TULP4: variants seen among roughly 807,000 people sequenced by gnomAD.
The protein encoded by TULP4 is TUB like protein 4, also known as tubby-related protein 4.
Under a neutral mutation model 129.0 loss-of-function variants are expected in TULP4, and 16 were observed. The observed-to-expected ratio is 0.12, with a 90% CI of 0.08 to 0.19. TULP4 has a LOEUF of 0.19. Ranked by LOEUF, TULP4 falls within the 10% of genes least tolerant of loss-of-function variation. The probability of loss-of-function intolerance (pLI) is 1.00; values close to 1 mark genes in which losing one functional copy is unlikely to be tolerated. For missense variants in TULP4, 1,842 were observed against 2,059.1 expected (o/e 0.89, Z 2.04); for synonymous variants, 998 against 854.0 (o/e 1.17, Z -2.94).
chr6:158,238,107 GAC>G (rs1777756124), intron 1 of TULP4: 1 of 729,288 alleles, frequency 1.4e-6, no homozygotes, highest in Non-Finnish European at 2.6e-6. Flanking sequence ...CACTAATGCA[GAC>G]ACCATGCCTG....
chr6:158,430,514 G>A (rs1412480578), intron 3 of TULP4, among the ~76,000 whole-genome samples: 2 of 152,222 alleles, frequency 1.3e-5, no homozygotes, highest in East Asian at 1.9e-4. Context: ...AGGTGGAGGC[G>A]GGTGGATCAC....
chr6:158,239,355 A>G (rs1356048706), intron 1 of TULP4, among the ~76,000 whole-genome samples: 11 of 42,726 alleles, frequency 2.6e-4, no homozygotes, highest in South Asian at 1.1e-3. Flanking sequence ...CTGGCCGGGC[A>G]GGGGGGCTGA....
chr6:158,468,055 C>T (rs542064823), intron 6 of TULP4, among the ~76,000 whole-genome samples: 1 of 152,348 alleles, frequency 6.6e-6, no homozygotes, highest in African/African-American at 2.4e-5. Flanking sequence ...CTCTGCTTTG[C>T]CAGTCCAGCT....
chr6:158,294,374 TA>T (rs1026333697), intron 1 of TULP4, among the ~76,000 whole-genome samples: 27 of 140,298 alleles, frequency 1.9e-4, no homozygotes, highest in Admixed American at 5.0e-4. Flanking sequence ...AAAAAAAAAA[TA>T]AAAAAAAAAA....
intron 1 of TULP4, among the ~76,000 whole-genome samples, chr6:158,250,881 C>T (rs544306086): frequency 6.6e-6 from 1 of 152,262 alleles, no homozygotes; most frequent in South Asian, 2.1e-4. Context: ...TGAGTGATAC[C>T]AGTGATCTAT....
intron 9 of TULP4, among the ~76,000 whole-genome samples, chr6:158,491,077 T>C (rs1332188850): frequency 6.6e-6 from 1 of 152,166 alleles, no homozygotes; most frequent in African/African-American, 2.4e-5. Context: ...AGATACATGT[T>C]AAAGTTTATT....
chr6:158,268,035 C>T (rs200132846), intron 1 of TULP4, among the ~76,000 whole-genome samples: 180 of 72,636 alleles, frequency 2.5e-3, no homozygotes, highest in Non-Finnish European at 3.8e-3. Flanking sequence ...TTTCTTTTTT[C>T]TTTTTTTTTT....
At chr6:158,271,872 C>T (rs78411657) in intron 1 of TULP4, among the ~76,000 whole-genome samples, 2,364 of 152,220 alleles carry the variant, frequency 0.016, 66 homozygotes, top group African/African-American at 0.054. Flanking sequence ...TGAAATGCTA[C>T]GTTTGAAAAT....
At position 158,233,089 on chromosome 6, in the gene TULP4, T is replaced by A. The variant is rs150193751; in HGVS notation, n.68+786T>A. Among the ~76,000 whole-genome samples, 3 of 152,308 alleles carry A rather than the reference T, an allele frequency of 2.0e-5. No homozygotes were observed. The East Asian group carries it at 5.8e-4, about 29-fold the overall frequency. ...CTACTTCTTCCTGTGGCGACACCGCTTCAGGGATGGGAAGGTGAGGGTGGT... is the reference window on the plus strand; with the variant it reads ...CTACTTCTTCCTGTGGCGACACCGCATCAGGGATGGGAAGGTGAGGGTGGT... On this transcript the variant is annotated intron_variant and non_coding_transcript_variant, in intron 1 of 1. Coordinates refer to the TULP4 transcript ENST00000620026.
At chr6:158,447,818 T>G (rs1416047392) in intron 3 of TULP4, among the ~76,000 whole-genome samples, 2 of 152,268 alleles carry the variant, frequency 1.3e-5, no homozygotes, top group East Asian at 3.8e-4. Context: ...TTGGCCTCTC[T>G]TAAGTTGCTC....
Position 158,237,527 on chromosome 6 carries a change from C to T in TULP4, n.68+5224C>T, listed in dbSNP as rs569012972. 1.0e-4 allele frequency: 161 copies of T among 1,559,552 alleles called. 3 individuals carry two copies. The South Asian group carries it at 1.7e-3, about 17-fold the overall frequency. On this transcript the variant is annotated intron_variant and non_coding_transcript_variant, in intron 1 of 1. Transcript: ENST00000620026. ...TTTCTGGCATCCAGTTCAGATGAAG[C>T]TCCTGCAGTTGCTCCCTGGGTCCCT...
chr6:158,318,660 A>G (rs1779547635), intron 1 of TULP4, among the ~76,000 whole-genome samples: 1 of 152,144 alleles, frequency 6.6e-6, no homozygotes, highest in South Asian at 2.1e-4. Context: ...CTTGTGTTAA[A>G]TACAAGTCTA....
intron 6 of TULP4, among the ~76,000 whole-genome samples, chr6:158,464,185 A>T (rs1187802763): frequency 1.3e-5 from 2 of 152,162 alleles, no homozygotes; most frequent in African/African-American, 4.8e-5. Context: ...AGAATATGTG[A>T]TGTGCCTTAG....
chr6:158,489,535 A>G (rs1583933061), intron 8 of TULP4, 53 bp from the exon 9 acceptor site: 1 of 1,605,762 alleles, frequency 6.2e-7, no homozygotes, highest in East Asian at 2.2e-5. Flanking sequence ...GATCATTGGT[A>G]GGGGCTAATT....
In TULP4 at chr6:158,413,607, C is replaced by T. The variant is rs1293827874; in HGVS notation, c.381+414C>T. On this transcript the variant is annotated intron_variant, in intron 2 of 13. Transcript: ENST00000367097. The surrounding 1 kb of genome is among the most constrained non-coding windows in gnomAD (Gnocchi z 4.9). ...ACGTGACTTCTCACAACCTGCTCAA[C>T]AAGGAAAGGGTGCTACAATCTCTTC... is the stretch of plus-strand genomic sequence containing the variant. 2.0e-5 allele frequency among the ~76,000 whole-genome samples: 3 copies of T among 152,216 alleles called. No individual in the cohort carries two copies. The East Asian group carries it at 5.8e-4, about 29-fold the overall frequency.
At chr6:158,349,711 G>A (rs1248720892) in intron 1 of TULP4, among the ~76,000 whole-genome samples, 4 of 135,450 alleles carry the variant, frequency 3.0e-5, no homozygotes, top group Non-Finnish European at 6.4e-5. Context: ...CTTCCCAGAC[G>A]ATGGGCGGCC....
At position 158,509,026 on chromosome 6, in the gene TULP4, T is replaced by C. The variant is rs1276984110; in HGVS notation, c.*2332T>C. On this transcript the variant is annotated 3_prime_UTR_variant, in exon 14 of 14. Coordinates refer to ENST00000367097, the MANE Select transcript of TULP4 (RefSeq NM_020245.5). ...CCTCAGCCTCCCAAGCAGCTGGGAT[T>C]ATAGACACCCGCCAACACGCCAGGC... is the stretch of plus-strand genomic sequence containing the variant. The C allele has an allele frequency of 6.6e-6, 1 of 151,812 alleles. No homozygotes were observed. The highest frequency in any genetic ancestry group is 6.6e-5 in the Admixed American group (1 of 15,220). 9.4% of individuals were successfully genotyped at this position (151,812 alleles called of 1,614,324 possible).
At chr6:158,405,022 T>C in intron 1 of TULP4, among the ~76,000 whole-genome samples, 1 of 152,228 alleles carries the variant, frequency 6.6e-6, no homozygotes. Flanking sequence ...TTTAACCTTC[T>C]TTCAGCTTCA....
intron 1 of TULP4, among the ~76,000 whole-genome samples, chr6:158,339,233 A>T (rs970022648): frequency 5.3e-5 from 8 of 152,180 alleles, no homozygotes; most frequent in Non-Finnish European, 1.2e-4. Context: ...TAAAACCAGC[A>T]AGTTTTTATT....
Sources: allele counts gnomAD v4.1 joint callset (sites outside exome capture counted in the v4.1 genomes callset), GRCh38; gene constraint gnomAD v4.1.1; non-coding constraint Gnocchi (gnomAD v3.1); transcripts MANE v1.5; gene names NCBI Gene and HGNC (gene_info 2026-07-23, HGNC 2026-07-21).